The following SIAH2 variants were observed in gnomAD, a reference collection of about 807,000 sequenced individuals.
SIAH2 encodes siah E3 ubiquitin protein ligase 2.
SIAH2 carries 4 observed loss-of-function variants against 20.4 expected under a neutral mutation model. The observed-to-expected ratio is 0.20, with a 90% CI of 0.10 to 0.45. The LOEUF is 0.45. Ranked by LOEUF, SIAH2 falls within the 20% of genes least tolerant of loss-of-function variation. The pLI is 0.99. For synonymous variants in SIAH2, 171 were observed against 192.5 expected, an observed-to-expected ratio of 0.89 and a Z score of 0.93; for missense variants, 259 against 440.3, an observed-to-expected ratio of 0.59 and a Z score of 3.69.
intron 1 of SIAH2, among the ~76,000 whole-genome samples, chr3:150,744,157 T>C (rs1714161170): frequency 6.6e-6 from 1 of 152,146 alleles, no homozygotes; most frequent in Non-Finnish European, 1.5e-5. Context: ...GTATGCACTA[T>C]GTGACTTCTC....
intron 1 of SIAH2, among the ~76,000 whole-genome samples, chr3:150,746,497 T>C (rs971134195): frequency 6.6e-6 from 1 of 152,212 alleles, no homozygotes; most frequent in African/African-American, 2.4e-5. Flanking sequence ...AGTGGTGCTA[T>C]TGACATTTTG....
intron 1 of SIAH2, among the ~76,000 whole-genome samples, chr3:150,743,677 A>AT (rs1185760344): frequency 6.6e-6 from 1 of 152,208 alleles, no homozygotes; most frequent in African/African-American, 2.4e-5. Flanking sequence ...TTCCTAATGG[A>AT]TAAATCATAC....
At chr3:150,750,972 A>G (rs954105208) in intron 1 of SIAH2, among the ~76,000 whole-genome samples, 2 of 152,220 alleles carry the variant, frequency 1.3e-5, no homozygotes, top group Non-Finnish European at 2.9e-5. Flanking sequence ...AGACTCTTCA[A>G]GTTAATCATG....
Position 150,760,094 on chromosome 3 carries a change from C to G in SIAH2, c.417+2339G>C, listed in dbSNP as rs139707123. Among the ~76,000 whole-genome samples the G allele has an allele frequency of 3.9e-5, 6 of 152,266 alleles. No individual in the cohort carries two copies. The East Asian group carries it at 1.2e-3, about 29-fold the overall frequency. The stretch of plus-strand genomic sequence containing the variant: ...TAAGTTTGATACAGGCCTTACGGCT[C>G]TCTGTTGTTTCTCATCCTCTACAAC... On this transcript the variant is annotated intron_variant, in intron 1 of 1. Transcript: ENST00000312960.
At chr3:150,748,483 T>C (rs1714277384) in intron 1 of SIAH2, among the ~76,000 whole-genome samples, 1 of 152,186 alleles carries the variant, frequency 6.6e-6, no homozygotes, top group African/African-American at 2.4e-5. Flanking sequence ...TCCATGCAAT[T>C]CAAGAATGAT....
chr3:150,763,048 C>T lies in SIAH2; in HGVS notation c.-199G>A. 1 of 433,864 alleles carries T rather than the reference C, an allele frequency of 2.3e-6. No individual in the cohort carries two copies. Among genetic ancestry groups the T allele is most frequent in the Non-Finnish European group, 3.2e-6 (1 of 314,274 alleles). The allele number at this position is 433,864 out of a possible 1,614,324, so 26.9% of individuals were successfully genotyped here. A position where few individuals can be genotyped will look rare whatever the true frequency, so the allele number is the denominator to read the frequency against. ...ATGCACTCCGCAGCCCCCGGCGTTC[C>T]GAGCACGCCTCCGCGTCGGACCCCG... On this transcript the variant is annotated 5_prime_UTR_variant, in exon 1 of 2. Coordinates refer to ENST00000312960, the MANE Select transcript of SIAH2 (RefSeq NM_005067.7). This position sits in a 1 kb window ranked among gnomAD's most constrained non-coding sequence, Gnocchi z 4.1.
rs1281184620 is a variant in SIAH2, at chr3:150,741,261, C to G, written c.*880G>C. 6.6e-6 allele frequency: 1 copy of G among 152,570 alleles called. No individual in the cohort carries two copies. The highest frequency in any genetic ancestry group is 2.4e-5 in the African/African-American group (1 of 41,440). 9.5% of individuals were successfully genotyped at this position (152,570 alleles called of 1,614,324 possible). The stretch of plus-strand genomic sequence containing the variant: ...ACTCTACTGATTTAGTCTTTCACAC[C>G]AGCTACTGTTGAGGAGGGCTTCCGA... On this transcript the variant is annotated 3_prime_UTR_variant, in exon 2 of 2. Transcript: ENST00000312960.
At chr3:150,761,468 A>G (rs1714608129) in intron 1 of SIAH2, among the ~76,000 whole-genome samples, 1 of 152,238 alleles carries the variant, frequency 6.6e-6, no homozygotes, top group African/African-American at 2.4e-5. Context: ...TGAATTTAAG[A>G]ACAGCAAGTT....
In SIAH2 at chr3:150,762,857, C is replaced by G. The variant is rs1453824946; in HGVS notation, c.-8G>C. On this transcript the variant is annotated 5_prime_UTR_variant, in exon 1 of 2. Coordinates refer to ENST00000312960, the MANE Select transcript of SIAH2 (RefSeq NM_005067.7). This position sits in a 1 kb window ranked among gnomAD's most constrained non-coding sequence, Gnocchi z 6.6. ...GGAGGACGGGCGGCTCATCGCGCTCCGAACCAACCATGGAACTGCGGGCGC... is the reference window on the plus strand; with the variant it reads ...GGAGGACGGGCGGCTCATCGCGCTCGGAACCAACCATGGAACTGCGGGCGC... 1.7e-6 allele frequency: 2 copies of G among 1,202,472 alleles called. No individual in the cohort carries two copies. Among genetic ancestry groups the G allele is most frequent in the Non-Finnish European group, 2.1e-6 (2 of 955,636 alleles). The allele number at this position is 1,202,472 out of a possible 1,614,324, so 74.5% of individuals were successfully genotyped here. A position where few individuals can be genotyped will look rare whatever the true frequency, so the allele number is the denominator to read the frequency against.
chr3:150,749,842 C>A (rs577530249), intron 1 of SIAH2, among the ~76,000 whole-genome samples: 3 of 152,108 alleles, frequency 2.0e-5, no homozygotes, highest in Admixed American at 6.5e-5. Flanking sequence ...TAAAGGTTTG[C>A]GGGTGCCTGA....
In SIAH2 at chr3:150,762,737, A is replaced by ATGG; in HGVS notation, c.110_112dup (p.Thr37dup). 8.5e-7 allele frequency: 1 copy of ATGG among 1,177,310 alleles called. No individual in the cohort carries two copies. Among genetic ancestry groups the ATGG allele is most frequent in the Non-Finnish European group, 1.1e-6 (1 of 947,060 alleles). 72.9% of individuals were successfully genotyped at this position (1,177,310 alleles called of 1,614,324 possible). On this transcript the variant is annotated inframe_insertion, in exon 1 of 2. Coordinates refer to ENST00000312960, the MANE Select transcript of SIAH2 (RefSeq NM_005067.7). The surrounding 1 kb of genome is among the most constrained non-coding windows in gnomAD (Gnocchi z 6.6). ...GGACGAGCCGGGGCCCGCAGCCGAG[A>ATGG]TGGTGGCGGCGGCCGGGGGCGCAGC... is the stretch of plus-strand genomic sequence containing the variant.
chr3:150,744,514 A>T (rs1714168027), intron 1 of SIAH2, among the ~76,000 whole-genome samples: 1 of 152,224 alleles, frequency 6.6e-6, no homozygotes, highest in South Asian at 2.1e-4. Context: ...TAAGGCCTGA[A>T]AAACAAATCC....
intron 1 of SIAH2, among the ~76,000 whole-genome samples, chr3:150,755,768 C>T (rs1559937710): frequency 1.3e-5 from 2 of 152,076 alleles, no homozygotes; most frequent in African/African-American, 4.8e-5. Context: ...CTGCCCGCCT[C>T]GGCCTCCCAA....
chr3:150,761,343 A>C (rs532238269), intron 1 of SIAH2, among the ~76,000 whole-genome samples: 1 of 152,380 alleles, frequency 6.6e-6, no homozygotes, highest in African/African-American at 2.4e-5. Context: ...TTTCCACGTA[A>C]TAGCTGCAGG....
chr3:150,753,913 A>C (rs770465975), intron 1 of SIAH2, among the ~76,000 whole-genome samples: 1 of 146,222 alleles, frequency 6.8e-6, no homozygotes, highest in East Asian at 2.0e-4. Flanking sequence ...AGATTTGGTT[A>C]TAGCAGTGCT....
At chr3:150,757,901 C>T (rs2108125037) in intron 1 of SIAH2, among the ~76,000 whole-genome samples, 1 of 152,234 alleles carries the variant, frequency 6.6e-6, no homozygotes, top group South Asian at 2.1e-4. Flanking sequence ...CATCCCCAAC[C>T]CCACCAATCA....
intron 1 of SIAH2, among the ~76,000 whole-genome samples, chr3:150,749,326 C>G (rs1010952870): frequency 6.6e-6 from 1 of 151,836 alleles, no homozygotes; most frequent in African/African-American, 2.4e-5. Flanking sequence ...TAGGGAGACC[C>G]CTGTCTCTAT....
In SIAH2 at chr3:150,741,658, C is replaced by T. The variant is rs7622742; in HGVS notation, c.*483G>A. 1,895 of 153,698 alleles carry T rather than the reference C, an allele frequency of 0.012. 49 individuals carry two copies. Among genetic ancestry groups the T allele is most frequent in the African/African-American group, 0.044 (1,810 of 41,550 alleles). The allele number at this position is 153,698 out of a possible 1,614,324, so 9.5% of individuals were successfully genotyped here. A position where few individuals can be genotyped will look rare whatever the true frequency, so the allele number is the denominator to read the frequency against. Reference sequence around the variant, plus strand: ...ATCTGCAATTTTAAGATAAGCACTCCGGGTGATTCAGTGTCTATTAGCCAG... The same window carrying T: ...ATCTGCAATTTTAAGATAAGCACTCTGGGTGATTCAGTGTCTATTAGCCAG... On this transcript the variant is annotated 3_prime_UTR_variant, in exon 2 of 2. Transcript: ENST00000312960.
At position 150,741,129 on chromosome 3, in the gene SIAH2, T is replaced by C. The variant is rs980385037; in HGVS notation, c.*1012A>G. ...TTAGGGAAATGAAGCACAATATCCA[T>C]TTTTGGAAAATATTTATTAAAAAAC... On this transcript the variant is annotated 3_prime_UTR_variant, in exon 2 of 2. Transcript: ENST00000312960. The C allele has an allele frequency of 2.6e-5, 4 of 152,610 alleles. No homozygotes were observed. Among genetic ancestry groups the C allele is most frequent in the African/African-American group, 4.8e-5 (2 of 41,458 alleles). The allele number at this position is 152,610 out of a possible 1,614,324, so 9.5% of individuals were successfully genotyped here.
Sources: allele counts gnomAD v4.1 joint callset (sites outside exome capture counted in the v4.1 genomes callset), GRCh38; gene constraint gnomAD v4.1.1; non-coding constraint Gnocchi (gnomAD v3.1); transcripts MANE v1.5; gene names NCBI Gene and HGNC (gene_info 2026-07-23, HGNC 2026-07-21).